Variants in GFRA1 observed in about 807,000 individuals in gnomAD.
GFRA1 encodes GDNF family receptor alpha-1.
GFRA1 carries 16 observed loss-of-function variants against 51.6 expected under a neutral mutation model. The ratio of observed to expected loss-of-function variants is 0.31; its 90% confidence interval spans 0.21 to 0.47. The LOEUF (loss-of-function observed/expected upper bound fraction) is 0.47. Among genes scored for constraint, GFRA1 ranks in the 20% least tolerant of loss-of-function variants. The pLI, the probability that GFRA1 is intolerant of heterozygous loss-of-function variation, is 1.00. For missense variants in GFRA1, 530 were observed against 594.3 expected, an observed-to-expected ratio of 0.89 and a Z score of 1.13; for synonymous variants, 270 against 241.3, an observed-to-expected ratio of 1.12 and a Z score of -1.10.
At chr10:116,106,938 G>T (rs1957029428) in intron 6 of GFRA1, among the ~76,000 whole-genome samples, 1 of 152,028 alleles carries the variant, frequency 6.6e-6, no homozygotes, top group Non-Finnish European at 1.5e-5. Flanking sequence ...TCTTGCTCTG[G>T]CTCTTGCCAT....
chr10:116,138,297 ATG>A (rs1332610182), intron 5 of GFRA1, among the ~76,000 whole-genome samples: 9 of 152,194 alleles, frequency 5.9e-5, no homozygotes, highest in Admixed American at 4.6e-4. Flanking sequence ...CCATCTGAAA[ATG>A]TGTATTTTTA....
intron 4 of GFRA1, among the ~76,000 whole-genome samples, chr10:116,260,357 C>A (rs779606426): frequency 6.6e-6 from 1 of 152,124 alleles, no homozygotes; most frequent in Non-Finnish European, 1.5e-5. Context: ...TAAAAATATG[C>A]ACATGTGAGC....
chr10:116,182,777 T>C (rs1478733138), intron 5 of GFRA1, among the ~76,000 whole-genome samples: 1 of 152,206 alleles, frequency 6.6e-6, no homozygotes, highest in Non-Finnish European at 1.5e-5. Flanking sequence ...CCCAGGTCCC[T>C]TCTTAGATGG....
intron 6 of GFRA1, among the ~76,000 whole-genome samples, chr10:116,106,357 C>G (rs2530336): frequency 0.18 from 27,770 of 152,196 alleles, 2,574 homozygotes; most frequent in Middle Eastern, 0.23. Flanking sequence ...AGAACTTGAA[C>G]ATGTACTAGG....
chr10:116,256,713 A>G (rs952721159), intron 4 of GFRA1, among the ~76,000 whole-genome samples: 4 of 152,242 alleles, frequency 2.6e-5, no homozygotes, highest in South Asian at 2.1e-4. Context: ...CTCTTACGAA[A>G]TGTTCTGAAT....
rs368565948 is a variant in GFRA1, at chr10:116,235,241, T to G, written c.419-23596A>C. 2.0e-4 allele frequency among the ~76,000 whole-genome samples: 31 copies of G among 152,300 alleles called. 1 individual carries two copies. In the East Asian group the frequency reaches 5.6e-3, roughly 28 times the overall value. On this transcript the variant is annotated intron_variant, in intron 4 of 10. Transcript: ENST00000355422. ...AGGCCAGACAGAGGGAAGACACATG[T>G]GGCTGAAATGGCCACTGTGGCTTGC...
At chr10:116,131,542 C>T (rs1022963727) in intron 5 of GFRA1, among the ~76,000 whole-genome samples, 3 of 152,216 alleles carry the variant, frequency 2.0e-5, no homozygotes, top group South Asian at 2.1e-4. Flanking sequence ...AAACTGTGAT[C>T]TATCCACAGT....
chr10:116,216,774 G>A (rs904378840), intron 4 of GFRA1, among the ~76,000 whole-genome samples: 8 of 152,114 alleles, frequency 5.3e-5, no homozygotes, highest in African/African-American at 1.9e-4. Flanking sequence ...TCTCTTTCAA[G>A]TACAAGTGCT....
chr10:116,212,447 G>A (rs543913063), intron 4 of GFRA1, among the ~76,000 whole-genome samples: 14 of 151,864 alleles, frequency 9.2e-5, no homozygotes, highest in African/African-American at 3.4e-4. Flanking sequence ...TTGAACCCAG[G>A]AGGAGGAGGT....
intron 4 of GFRA1, chr10:116,226,764 C>G (rs1482581217): frequency 2.4e-6 from 1 of 420,662 alleles, no homozygotes; most frequent in Non-Finnish European, 4.8e-6. Context: ...CCAGTGGCAG[C>G]CCTGACCTTG....
chr10:116,173,758 G>A (rs1305919021), intron 5 of GFRA1, among the ~76,000 whole-genome samples: 2 of 152,074 alleles, frequency 1.3e-5, no homozygotes, highest in Non-Finnish European at 1.5e-5. Flanking sequence ...TAGTTGGGCC[G>A]AACAGGTTTT....
At chr10:116,241,990 CA>C (rs1431348612) in intron 4 of GFRA1, among the ~76,000 whole-genome samples, 1 of 152,118 alleles carries the variant, frequency 6.6e-6, no homozygotes, top group East Asian at 1.9e-4. Context: ...AATCATAAAA[CA>C]GCTGTGTTTA....
chr10:116,258,568 C>T (rs911185093), intron 4 of GFRA1, among the ~76,000 whole-genome samples: 7 of 151,552 alleles, frequency 4.6e-5, no homozygotes, highest in African/African-American at 1.7e-4. Flanking sequence ...TTATGCAGTT[C>T]GTGCACTTCA....
intron 5 of GFRA1, among the ~76,000 whole-genome samples, chr10:116,165,665 TCA>T (rs56684075): frequency 6.7e-6 from 1 of 149,444 alleles, no homozygotes; most frequent in African/African-American, 2.5e-5. Flanking sequence ...TCTCTCACTC[TCA>T]CACACACACA....
chr10:116,085,952 T>G (rs1262369314), intron 9 of GFRA1, among the ~76,000 whole-genome samples: 1 of 152,202 alleles, frequency 6.6e-6, no homozygotes, highest in Admixed American at 6.5e-5. Flanking sequence ...ATTCTTTCCT[T>G]CTTCCTCACT....
In GFRA1 at chr10:116,148,022, G is replaced by A. The variant is rs557789796; in HGVS notation, c.434-22465C>T. On this transcript the variant is annotated intron_variant, in intron 5 of 10. Coordinates refer to ENST00000355422, the MANE Select transcript of GFRA1 (RefSeq NM_005264.8). ...GTGTGAAGGCAAAGAACGTGTGTGC[G>A]CGCATGCATGTGTGCATGTGCGTGT... Among the ~76,000 whole-genome samples the A allele has an allele frequency of 2.5e-4, 38 of 150,068 alleles. No individual in the cohort carries two copies. In the East Asian group the frequency reaches 5.0e-3, roughly 20 times the overall value.
At chr10:116,200,441 A>G (rs1380936884) in intron 5 of GFRA1, among the ~76,000 whole-genome samples, 1 of 152,242 alleles carries the variant, frequency 6.6e-6, no homozygotes, top group Non-Finnish European at 1.5e-5. Context: ...AATCTATTTC[A>G]GCATCTGAGA....
At chr10:116,261,922 C>G (rs4525140) in intron 4 of GFRA1, among the ~76,000 whole-genome samples, 151,215 of 152,316 alleles carry the variant, frequency 0.99, 75,069 homozygotes, top group East Asian at 1. Context: ...CAGCTAGTTA[C>G]GGGTAAACGA....
At chr10:116,117,581 A>ATGGATGGATGGG (rs1957474133) in intron 6 of GFRA1, among the ~76,000 whole-genome samples, 10 of 116,648 alleles carry the variant, frequency 8.6e-5, no homozygotes, top group African/African-American at 3.1e-4. Context: ...GGATGGATGG[A>ATGGATGGATGGG]TGGATGGATG....
Sources: gnomAD v4.1 joint callset for allele counts (sites outside exome capture counted in the v4.1 genomes callset) on GRCh38, gnomAD v4.1.1 for gene constraint, MANE v1.5 for transcripts, NCBI Gene and HGNC (gene_info 2026-07-23, HGNC 2026-07-21) for gene names.